TMEM108: variants seen among roughly 807,000 people sequenced by gnomAD.
TMEM108 encodes the protein transmembrane protein 108, also known as cancer/testis antigen 124.
In TMEM108, 12 loss-of-function variants were observed where a neutral mutation model predicts 35.1. The observed-to-expected ratio is 0.34, with a 90% CI of 0.22 to 0.55. The LOEUF is 0.55. Among genes scored for constraint, TMEM108 ranks in the 20% least tolerant of loss-of-function variants. TMEM108 has a pLI of 0.89. For synonymous variants in TMEM108, 287 were observed against 308.6 expected (o/e 0.93, Z 0.73); for missense variants, 680 against 753.3 (o/e 0.90, Z 1.14).
At position 133,133,869 on chromosome 3, in the gene TMEM108, T is replaced by C. The variant is rs140270063; in HGVS notation, c.-47+87849T>C. 4.7e-3 allele frequency among the ~76,000 whole-genome samples: 719 copies of C among 151,982 alleles called. 13 individuals are homozygous for C. The highest frequency in any genetic ancestry group is 0.03 in the East Asian group (154 of 5,176). On this transcript the variant is annotated intron_variant, in intron 2 of 5. Transcript: ENST00000321871. ...AACTCTGCCTCCCAGGTTCACGCCA[T>C]TCTCCTGCCTCAGCCTCCCGAGTAG...
intron 3 of TMEM108, among the ~76,000 whole-genome samples, chr3:133,310,973 C>T (rs928219492): frequency 7.9e-5 from 12 of 152,142 alleles, no homozygotes; most frequent in African/African-American, 1.7e-4. Flanking sequence ...GTTTCTCCTT[C>T]GCTTATGAAG....
Position 133,291,321 on chromosome 3 carries a change from C to T in TMEM108, c.40+61970C>T, listed in dbSNP as rs186407469. Among the ~76,000 whole-genome samples, 10 of 150,752 alleles carry T rather than the reference C, an allele frequency of 6.6e-5. No individual in the cohort carries two copies. The East Asian group carries it at 2.0e-3, about 31-fold the overall frequency. ...TTTGAGACAGGATCTCATTCTGTTG[C>T]CCAGGCTGGAGGGCAGTAGCACCAT... On this transcript the variant is annotated intron_variant, in intron 3 of 5. Transcript: ENST00000321871.
chr3:133,148,919 C>G (rs551998832), intron 2 of TMEM108, among the ~76,000 whole-genome samples: 2 of 152,190 alleles, frequency 1.3e-5, no homozygotes, highest in Admixed American at 1.3e-4. Context: ...ATCACTTGAC[C>G]CTGGGAGGCT....
intron 4 of TMEM108, among the ~76,000 whole-genome samples, chr3:133,384,807 A>G (rs558788815): frequency 1.3e-4 from 20 of 152,178 alleles, no homozygotes; most frequent in Non-Finnish European, 2.6e-4. Context: ...TGTGATGTCC[A>G]TTTTTGAAAA....
intron 3 of TMEM108, among the ~76,000 whole-genome samples, chr3:133,324,713 C>G (rs2071308801): frequency 6.6e-6 from 1 of 152,190 alleles, no homozygotes; most frequent in African/African-American, 2.4e-5. Flanking sequence ...CGCAGTGGCT[C>G]ACACCTGTAA....
chr3:133,157,967 G>A (rs1465183802), intron 2 of TMEM108, among the ~76,000 whole-genome samples: 1 of 152,188 alleles, frequency 6.6e-6, no homozygotes, highest in South Asian at 2.1e-4. Context: ...TCTTTAGACT[G>A]AACAGATTAA....
At chr3:133,186,446 C>T (rs7621103) in intron 2 of TMEM108, among the ~76,000 whole-genome samples, 22 of 152,116 alleles carry the variant, frequency 1.4e-4, no homozygotes, top group Non-Finnish European at 2.6e-4. Flanking sequence ...TACAAAGCTG[C>T]GTAATGTAAA....
chr3:133,280,050 A>AGG (rs1946891650), intron 3 of TMEM108, among the ~76,000 whole-genome samples: 1 of 152,094 alleles, frequency 6.6e-6, no homozygotes, highest in African/African-American at 2.4e-5. Flanking sequence ...GAAGCCCCAA[A>AGG]AGTTAGTGTC....
At chr3:133,146,178 G>A (rs777901050) in intron 2 of TMEM108, among the ~76,000 whole-genome samples, 60 of 152,158 alleles carry the variant, frequency 3.9e-4, no homozygotes, top group Non-Finnish European at 2.2e-4. Flanking sequence ...AGCATGAAGC[G>A]ATGTTGAGTT....
At chr3:133,078,192 T>TTG (rs1458859411) in intron 2 of TMEM108, among the ~76,000 whole-genome samples, 1 of 132,866 alleles carries the variant, frequency 7.5e-6, no homozygotes, top group Non-Finnish European at 1.7e-5. Context: ...TGTGTGTATA[T>TTG]CTCAGATCTT....
intron 3 of TMEM108, among the ~76,000 whole-genome samples, chr3:133,302,904 A>C (rs188578449): frequency 8.5e-5 from 13 of 152,238 alleles, no homozygotes; most frequent in African/African-American, 2.9e-4. Context: ...CTCATGCTCC[A>C]CTTATTTCAC....
intron 2 of TMEM108, among the ~76,000 whole-genome samples, chr3:133,102,581 C>T (rs1157270634): frequency 3.9e-5 from 6 of 152,166 alleles, no homozygotes; most frequent in Admixed American, 1.3e-4. Context: ...AGACGAGGGG[C>T]CTTGTCCTTT....
chr3:133,053,828 A>G (rs1475406122), intron 2 of TMEM108, among the ~76,000 whole-genome samples: 2 of 152,150 alleles, frequency 1.3e-5, no homozygotes, highest in Non-Finnish European at 2.9e-5. Flanking sequence ...CTTGTTCCTC[A>G]TGTTCTTGCT....
At chr3:133,270,255 C>T (rs1946752086) in intron 3 of TMEM108, among the ~76,000 whole-genome samples, 1 of 152,108 alleles carries the variant, frequency 6.6e-6, no homozygotes, top group South Asian at 2.1e-4. Context: ...TACCCTCTGC[C>T]TCCCACCACT....
At chr3:133,205,250 T>A (rs1945735382) in intron 2 of TMEM108, among the ~76,000 whole-genome samples, 1 of 152,108 alleles carries the variant, frequency 6.6e-6, no homozygotes, top group African/African-American at 2.4e-5. Context: ...TGGTCTTGAC[T>A]CTATCCAATT....
chr3:133,182,798 GA>G (rs1406552705), intron 2 of TMEM108, among the ~76,000 whole-genome samples: 1 of 152,204 alleles, frequency 6.6e-6, no homozygotes, highest in African/African-American at 2.4e-5. Flanking sequence ...GTCTTGAGAA[GA>G]TAGTATTTCA....
At chr3:133,335,471 T>C (rs1429779466) in intron 3 of TMEM108, among the ~76,000 whole-genome samples, 1 of 152,212 alleles carries the variant, frequency 6.6e-6, no homozygotes, top group East Asian at 1.9e-4. Flanking sequence ...ATGTGTAATG[T>C]ACTATAACAT....
At chr3:133,094,653 C>T (rs1374806564) in intron 2 of TMEM108, among the ~76,000 whole-genome samples, 1 of 152,190 alleles carries the variant, frequency 6.6e-6, no homozygotes, top group African/African-American at 2.4e-5. Context: ...TGGCCTGGCC[C>T]CTTGCAGGGA....
At chr3:133,349,169 A>G (rs2071914063) in intron 3 of TMEM108, among the ~76,000 whole-genome samples, 1 of 152,082 alleles carries the variant, frequency 6.6e-6, no homozygotes, top group African/African-American at 2.4e-5. Flanking sequence ...CAAATATAAT[A>G]CTATTTTTCC....
Sources: allele counts gnomAD v4.1 joint callset (sites outside exome capture counted in the v4.1 genomes callset), GRCh38; gene constraint gnomAD v4.1.1; transcripts MANE v1.5; gene names NCBI Gene and HGNC (gene_info 2026-07-23, HGNC 2026-07-21).